Variants in NRXN1 observed in about 807,000 individuals in gnomAD.
NRXN1 encodes neurexin-1.
Under a neutral mutation model 150.9 loss-of-function variants are expected in NRXN1, and 39 were observed. That is an observed-to-expected ratio of 0.26 (90% CI 0.20 to 0.34). The LOEUF (loss-of-function observed/expected upper bound fraction) is 0.34, where lower values mean the gene tolerates loss of function less well. Ranked by LOEUF, NRXN1 falls within the 10% of genes least tolerant of loss-of-function variation. The pLI is 1.00. For missense variants in NRXN1, 1,815 were observed against 1,949.9 expected, an observed-to-expected ratio of 0.93 and a Z score of 1.30; for synonymous variants, 924 against 757.0, an observed-to-expected ratio of 1.22 and a Z score of -3.62.
chr2:50,426,939 T>C (rs1326500130), intron 17 of NRXN1, among the ~76,000 whole-genome samples: 2 of 152,198 alleles, frequency 1.3e-5, no homozygotes, highest in Non-Finnish European at 2.9e-5. Context: ...GCACTTAATG[T>C]ACCTGTAAGG....
intron 5 of NRXN1, among the ~76,000 whole-genome samples, chr2:50,706,241 A>G (rs1162973505): frequency 6.6e-6 from 1 of 152,158 alleles, no homozygotes; most frequent in African/African-American, 2.4e-5. Context: ...TGAACTCTCA[A>G]CAAAACAGTC....
chr2:50,648,358 A>G (rs1685119540), intron 5 of NRXN1, among the ~76,000 whole-genome samples: 1 of 152,048 alleles, frequency 6.6e-6, no homozygotes, highest in Non-Finnish European at 1.5e-5. Context: ...TAGTAGTTCT[A>G]TTTCTGAGTT....
chr2:50,987,879 A>G (rs911145056), intron 2 of NRXN1, among the ~76,000 whole-genome samples: 13 of 151,956 alleles, frequency 8.6e-5, no homozygotes, highest in African/African-American at 3.1e-4. Flanking sequence ...GAACACTACG[A>G]AACACAGAAT....
Position 49,921,005 on chromosome 2 carries a change from A to T in NRXN1, c.*939T>A, listed in dbSNP as rs1668105627. Reference sequence around the variant, plus strand: ...TTGTGGCAATTTATAATGGTGGCAAAAAAAAAGAAAAACCCAACTGAAATA... The same window carrying T: ...TTGTGGCAATTTATAATGGTGGCAATAAAAAAGAAAAACCCAACTGAAATA... On this transcript the variant is annotated 3_prime_UTR_variant, in exon 23 of 23. Transcript: ENST00000401669. 1 of 152,468 alleles carries T rather than the reference A, an allele frequency of 6.6e-6. No homozygotes were observed. The highest frequency in any genetic ancestry group is 1.5e-5 in the Non-Finnish European group (1 of 68,016). The allele number at this position is 152,468 out of a possible 1,614,324, so 9.4% of individuals were successfully genotyped here.
chr2:50,608,229 A>G (rs1388014795), intron 8 of NRXN1, among the ~76,000 whole-genome samples: 2 of 152,220 alleles, frequency 1.3e-5, no homozygotes, highest in Non-Finnish European at 1.5e-5. Context: ...CGTGATCCAT[A>G]AAATAATTGT....
intron 18 of NRXN1, among the ~76,000 whole-genome samples, chr2:50,189,183 AG>A (rs1185378826): frequency 6.6e-6 from 1 of 152,202 alleles, no homozygotes; most frequent in Non-Finnish European, 1.5e-5. Context: ...AATACTATGA[AG>A]TCATAAAAAG....
intron 5 of NRXN1, among the ~76,000 whole-genome samples, chr2:50,873,068 C>T (rs961281627): frequency 6.6e-5 from 10 of 151,766 alleles, no homozygotes; most frequent in African/African-American, 2.4e-4. Context: ...GACACTGGAA[C>T]CAAATTACTG....
chr2:50,688,841 G>T (rs1691640590), intron 5 of NRXN1, among the ~76,000 whole-genome samples: 1 of 152,150 alleles, frequency 6.6e-6, no homozygotes, highest in Non-Finnish European at 1.5e-5. Flanking sequence ...ACCAGAAAGT[G>T]CCATGGGCTT....
At chr2:50,247,732 G>T (rs759281647) in intron 17 of NRXN1, among the ~76,000 whole-genome samples, 5 of 152,090 alleles carry the variant, frequency 3.3e-5, no homozygotes, top group Non-Finnish European at 5.9e-5. Flanking sequence ...ACAACTTGAT[G>T]AAATGCAAGA....
intron 2 of NRXN1, chr2:50,979,176 C>A: frequency 2.0e-6 from 1 of 491,826 alleles, no homozygotes; most frequent in Non-Finnish European, 4.0e-6. Flanking sequence ...ACATGGTCAT[C>A]GTATGTAATT....
intron 17 of NRXN1, among the ~76,000 whole-genome samples, chr2:50,340,911 A>C (rs1373620905): frequency 6.6e-6 from 1 of 152,178 alleles, no homozygotes; most frequent in East Asian, 1.9e-4. Flanking sequence ...CAGTAAAGGA[A>C]AGCTGGTTTT....
chr2:50,869,678 A>C (rs1677470410), intron 5 of NRXN1, among the ~76,000 whole-genome samples: 1 of 139,076 alleles, frequency 7.2e-6, no homozygotes, highest in South Asian at 2.3e-4. Flanking sequence ...AATTAACTTT[A>C]ATTATTTAAT....
At chr2:50,019,296 G>C (rs1300638769) in intron 21 of NRXN1, 1 of 471,414 alleles carries the variant, frequency 2.1e-6, no homozygotes, top group Non-Finnish European at 4.4e-6. Flanking sequence ...TTTGAGGACA[G>C]GGATATGTTT....
At chr2:50,015,404 G>C (rs1241136383) in intron 21 of NRXN1, among the ~76,000 whole-genome samples, 1 of 151,054 alleles carries the variant, frequency 6.6e-6, no homozygotes, top group East Asian at 1.9e-4. Flanking sequence ...TCTCACTCTA[G>C]GCACACAGGA....
At chr2:50,472,251 C>G in intron 16 of NRXN1, 47 bp downstream of exon 16, 1 of 1,447,888 alleles carries the variant, frequency 6.9e-7, no homozygotes, top group South Asian at 1.6e-5. Flanking sequence ...CTCAGTTAGA[C>G]AGGTGGAATT....
intron 10 of NRXN1, 78 bp from the exon 11 acceptor site, chr2:50,531,508 A>G: frequency 9.1e-7 from 1 of 1,096,042 alleles, no homozygotes; most frequent in Admixed American, 2.1e-5. Context: ...AGGATCATTT[A>G]TTATCATTTA....
chr2:50,485,804 G>A (rs956542619), intron 15 of NRXN1, among the ~76,000 whole-genome samples: 37 of 152,202 alleles, frequency 2.4e-4, no homozygotes, highest in African/African-American at 8.9e-4. Context: ...CACCAGGAGA[G>A]GAGGAATTCG....
intron 5 of NRXN1, among the ~76,000 whole-genome samples, chr2:50,719,602 G>C (rs1029901862): frequency 6.6e-6 from 1 of 151,992 alleles, no homozygotes; most frequent in Non-Finnish European, 1.5e-5. Context: ...CTTGAACCGG[G>C]GAGGCGGAGG....
intron 18 of NRXN1, among the ~76,000 whole-genome samples, chr2:50,183,976 C>T (rs750541660): frequency 6.6e-6 from 1 of 151,892 alleles, no homozygotes; most frequent in Non-Finnish European, 1.5e-5. Context: ...TACATTCGCA[C>T]TGATGTAATT....
Sources: allele counts gnomAD v4.1 joint callset (sites outside exome capture counted in the v4.1 genomes callset), GRCh38; gene constraint gnomAD v4.1.1; transcripts MANE v1.5; gene names NCBI Gene and HGNC (gene_info 2026-07-23, HGNC 2026-07-21).